The following SS18L1 variants were observed in gnomAD, a reference collection of about 807,000 sequenced individuals.
The protein encoded by SS18L1 is SS18L1 subunit of BAF chromatin remodeling complex.
SS18L1 carries 32 observed loss-of-function variants against 70.3 expected under a neutral mutation model. The ratio of observed to expected loss-of-function variants is 0.46; its 90% CI spans 0.34 to 0.61. The LOEUF (loss-of-function observed/expected upper bound fraction) is 0.61, where lower values mean the gene tolerates loss of function less well. Ranked by LOEUF, SS18L1 falls within the 20% of genes least tolerant of loss-of-function variation. The pLI, the probability that SS18L1 is intolerant of heterozygous loss-of-function variation, is 0.01. For synonymous variants in SS18L1, 237 were observed against 229.7 expected, an observed-to-expected ratio of 1.03 and a Z score of -0.29; for missense variants, 430 against 542.1, an observed-to-expected ratio of 0.79 and a Z score of 2.05.
intron 10 of SS18L1, among the ~76,000 whole-genome samples, chr20:62,177,211 G>A (rs1332795889): frequency 1.3e-5 from 2 of 152,170 alleles, no homozygotes; most frequent in Non-Finnish European, 2.9e-5. Flanking sequence ...GATAGAGACG[G>A]AGGTTGCAGT....
At position 62,179,562 on chromosome 20, in the gene SS18L1, C is replaced by G. The variant is rs959211855; in HGVS notation, c.*354C>G. 3 of 358,862 alleles carry G rather than the reference C, an allele frequency of 8.4e-6. No homozygotes were observed. Among genetic ancestry groups the G allele is most frequent in the Non-Finnish European group, 1.0e-5 (2 of 192,988 alleles). 22.2% of individuals were successfully genotyped at this position (358,862 alleles called of 1,614,324 possible). A position where few individuals can be genotyped will look rare whatever the true frequency, so the allele number is the denominator to read the frequency against. ...AGGGACAGGACAGATCTCGAGGACA[C>G]CACAGTCCACCTGTTCCCGTCAACA... On this transcript the variant is annotated 3_prime_UTR_variant, in exon 11 of 11. Transcript: ENST00000331758.
chr20:62,149,911 C>T (rs149231150), intron 1 of SS18L1, among the ~76,000 whole-genome samples: 108 of 152,296 alleles, frequency 7.1e-4, no homozygotes, highest in African/African-American at 2.3e-3. Context: ...GTACAATAAG[C>T]ACGTCTCCAG....
rs931541703 is a variant in SS18L1 at position 62,175,536 on chromosome 20, G to A, written c.1164+892G>A. On this transcript the variant is annotated intron_variant, in intron 10 of 10. Transcript: ENST00000331758. ...GGAGGCTCGGTGGCTGGAGCACAGGGCATATGAAGGAGAATGGTCTGGGAC... is the reference window on the plus strand; with the variant it reads ...GGAGGCTCGGTGGCTGGAGCACAGGACATATGAAGGAGAATGGTCTGGGAC... 16 of 748,314 alleles carry A rather than the reference G, an allele frequency of 2.1e-5. No homozygotes were observed. In the African/African-American group the frequency reaches 2.7e-4, roughly 12 times the overall value. The allele number at this position is 748,314 out of a possible 1,614,324, so 46.4% of individuals were successfully genotyped here. A position where few individuals can be genotyped will look rare whatever the true frequency, so the allele number is the denominator to read the frequency against.
In SS18L1 at chr20:62,161,687, A is replaced by G. The variant is rs1482440297; in HGVS notation, c.376+107A>G. 2 of 1,449,486 alleles carry G rather than the reference A, an allele frequency of 1.4e-6. No individual in the cohort carries two copies. Among genetic ancestry groups the G allele is most frequent in the East Asian group, 2.4e-5 (1 of 40,826 alleles). 89.8% of individuals were successfully genotyped at this position (1,449,486 alleles called of 1,614,324 possible). The stretch of plus-strand genomic sequence containing the variant: ...CACCCCACCCCTCACAGGGCTGGGC[A>G]TGGGACCCACTCCTCCTGGGGTAGC... On this transcript the variant is annotated intron_variant, in intron 4 of 10. Transcript: ENST00000331758. This position sits in a 1 kb window ranked among gnomAD's most constrained non-coding sequence, Gnocchi z 4.4.
At chr20:62,166,505 C>T (rs970652464) in intron 8 of SS18L1, among the ~76,000 whole-genome samples, 2 of 152,190 alleles carry the variant, frequency 1.3e-5, no homozygotes, top group East Asian at 1.9e-4. Flanking sequence ...AAATAAAGCA[C>T]GCAAGTGTAG....
chr20:62,154,597 G>A (rs557946941), intron 1 of SS18L1: 74 of 959,842 alleles, frequency 7.7e-5, no homozygotes, highest in Middle Eastern at 5.1e-4. Flanking sequence ...GGAAGTCTCC[G>A]TGAGGTCGTT....
intron 1 of SS18L1, among the ~76,000 whole-genome samples, chr20:62,146,421 C>G (rs1033203522): frequency 3.3e-5 from 5 of 152,212 alleles, no homozygotes; most frequent in Admixed American, 2.0e-4. Context: ...CTGTGACTTC[C>G]TTGACACATT....
At chr20:62,177,842 A>T (rs6062123) in intron 10 of SS18L1, among the ~76,000 whole-genome samples, 1 of 152,136 alleles carries the variant, frequency 6.6e-6, no homozygotes, top group East Asian at 1.9e-4. Flanking sequence ...CTGCCTCAGC[A>T]TCCGGAGTAG....
intron 10 of SS18L1, among the ~76,000 whole-genome samples, chr20:62,176,471 C>G (rs1568768841): frequency 6.6e-6 from 1 of 152,092 alleles, no homozygotes. Context: ...CGTGATTGCA[C>G]CATTACACTC....
intron 10 of SS18L1, among the ~76,000 whole-genome samples, chr20:62,178,054 C>CT (rs1287702813): frequency 1.4e-5 from 2 of 139,942 alleles, no homozygotes; most frequent in East Asian, 2.2e-4. Context: ...GGGTCTCACT[C>CT]TGTCGCCCAG....
At chr20:62,163,787 T>C (rs1433496678) in intron 6 of SS18L1, among the ~76,000 whole-genome samples, 165 bp downstream of exon 6, 1 of 151,084 alleles carries the variant, frequency 6.6e-6, no homozygotes, top group Non-Finnish European at 1.5e-5. Flanking sequence ...ACCCTGGGGG[T>C]GAGGGCCAGG....
chr20:62,174,766 C>T lies in SS18L1; in HGVS notation c.1164+122C>T. 1 of 1,590,734 alleles carries T rather than the reference C, an allele frequency of 6.3e-7. No homozygotes were observed. On this transcript the variant is annotated intron_variant, in intron 10 of 10. Transcript: ENST00000331758. The surrounding 1 kb of genome is among the most constrained non-coding windows in gnomAD (Gnocchi z 4.1). Reference sequence around the variant, plus strand: ...ACTAACTGGCTTCCAGGGTTCCTTCCAGAACGTTAAGTCTCTGAGCCTGTA... The same window carrying T: ...ACTAACTGGCTTCCAGGGTTCCTTCTAGAACGTTAAGTCTCTGAGCCTGTA...
rs1011297143 is a variant in SS18L1, at chr20:62,164,184, G to A, written c.761G>A (p.Gly254Asp). 6.5e-6 allele frequency: 10 copies of A among 1,550,076 alleles called. No homozygotes were observed. The highest frequency in any genetic ancestry group is 1.4e-5 in the African/African-American group (1 of 73,038). Residue 254 changes from glycine to aspartate, a missense_variant, in exon 7 of 11, where the codon GGC becomes GAC. Physicochemically the swap from Gly to Asp is moderately conservative, Grantham distance 94 (BLOSUM62 -1). Coordinates refer to ENST00000331758, the MANE Select transcript of SS18L1 (RefSeq NM_198935.3). ...QQYLGQEEYY[G>D]EQYSHSQGAA... ...TACCTGGGCCAGGAGGAGTACTATGGCGAGCAGTACAGCCACAGCCAGGGC... is the reference window on the plus strand; with the variant it reads ...TACCTGGGCCAGGAGGAGTACTATGACGAGCAGTACAGCCACAGCCAGGGC...
Position 62,181,942 on chromosome 20 carries a change from T to A in SS18L1, c.*2734T>A, listed in dbSNP as rs2057717350. ...TATTGTTCCCTGACATCCAGCAAAT[T>A]GTGAATTTGAAAAATGATGGCCAGT... On this transcript the variant is annotated 3_prime_UTR_variant, in exon 11 of 11. Coordinates refer to ENST00000331758, the MANE Select transcript of SS18L1 (RefSeq NM_198935.3). 4.4e-6 allele frequency: 1 copy of A among 228,502 alleles called. No individual in the cohort carries two copies. Among genetic ancestry groups the A allele is most frequent in the South Asian group, 1.8e-4 (1 of 5,506 alleles). The allele number at this position is 228,502 out of a possible 1,614,324, so 14.2% of individuals were successfully genotyped here.
At chr20:62,171,834 CAT>C in intron 8 of SS18L1, among the ~76,000 whole-genome samples, 2 of 152,224 alleles carry the variant, frequency 1.3e-5, no homozygotes, top group African/African-American at 4.8e-5. Flanking sequence ...GCCTGGGCAA[CAT>C]AGAGAGACCC....
At chr20:62,151,310 C>T (rs1395737038) in intron 1 of SS18L1, among the ~76,000 whole-genome samples, 2 of 152,198 alleles carry the variant, frequency 1.3e-5, no homozygotes, top group African/African-American at 4.8e-5. Context: ...CTGGCTGTGC[C>T]CTGGGCCCTC....
chr20:62,148,523 G>C (rs1268955691), intron 1 of SS18L1, among the ~76,000 whole-genome samples: 1 of 151,134 alleles, frequency 6.6e-6, no homozygotes. Context: ...CCTCCTTGCT[G>C]TCTTCGGTCA....
intron 7 of SS18L1, 96 bp downstream of exon 7, chr20:62,164,342 T>C: frequency 8.1e-7 from 1 of 1,238,244 alleles, no homozygotes; most frequent in Non-Finnish European, 1.1e-6. Context: ...GCCACTGCAG[T>C]GTGTCCTCAG....
At chr20:62,157,265 C>T (rs1272979941) in intron 1 of SS18L1, among the ~76,000 whole-genome samples, 3 of 152,306 alleles carry the variant, frequency 2.0e-5, no homozygotes, top group South Asian at 2.1e-4. Flanking sequence ...GTCCTGACTA[C>T]GTGCAGGTGT....
Sources: allele counts gnomAD v4.1 joint callset (sites outside exome capture counted in the v4.1 genomes callset), GRCh38; gene constraint gnomAD v4.1.1; non-coding constraint Gnocchi (gnomAD v3.1); transcripts MANE v1.5; gene names NCBI Gene and HGNC (gene_info 2026-07-23, HGNC 2026-07-21).